The following SLC26A3 variants were observed in gnomAD, a reference collection of about 807,000 sequenced individuals.
The protein encoded by SLC26A3 is chloride anion exchanger.
Under a neutral mutation model 85.6 loss-of-function variants are expected in SLC26A3, and 64 were observed. The ratio of observed to expected loss-of-function variants is 0.75; its 90% CI spans 0.61 to 0.92. SLC26A3 has a LOEUF of 0.92. Among genes scored for constraint, SLC26A3 ranks in the 40% least tolerant of loss-of-function variants. SLC26A3 has a pLI of 0.00. For synonymous variants in SLC26A3, 349 were observed against 336.0 expected, an observed-to-expected ratio of 1.04 and a Z score of -0.42; for missense variants, 922 against 927.3, an observed-to-expected ratio of 0.99 and a Z score of 0.07.
chr7:107,765,635 C>A lies in SLC26A3; in HGVS notation c.*220G>T. ...TATGTATGAACAAAATAATTTTCAC[C>A]CTTTGATAAAGCTACAAGATATAAA... On this transcript the variant is annotated 3_prime_UTR_variant, in exon 21 of 21. Transcript: ENST00000340010. 4.1e-6 allele frequency: 2 copies of A among 492,344 alleles called. No homozygotes were observed. Among genetic ancestry groups the A allele is most frequent in the Non-Finnish European group, 7.2e-6 (2 of 277,078 alleles). 30.5% of individuals were successfully genotyped at this position (492,344 alleles called of 1,614,324 possible).
At chr7:107,770,042 CTTTCTTTCTCTTTTCTTTCT>C (rs1562874234) in intron 18 of SLC26A3, among the ~76,000 whole-genome samples, 1 of 105,436 alleles carries the variant, frequency 9.5e-6, no homozygotes, top group Non-Finnish European at 1.8e-5. Flanking sequence ...TTCTTTCTTT[CTTTCTTTCTCTTTTCTTTCT>C]TTTTCTTTCT....
Position 107,786,866 on chromosome 7 carries a change from T to C in SLC26A3, c.932A>G (p.Asn311Ser). 5 of 1,614,066 alleles carry C rather than the reference T, an allele frequency of 3.1e-6. No homozygotes were observed. Among genetic ancestry groups the C allele is most frequent in the Non-Finnish European group, 4.2e-6 (5 of 1,179,974 alleles). ...AGVSYGCDFK[N>S]RFKVAVVGDM... ...CCCAACCACAGCCACTTTAAACCTGTTTTTAAAGTCACAGCCGTAGGATAC... is the reference window on the plus strand; with the variant it reads ...CCCAACCACAGCCACTTTAAACCTGCTTTTAAAGTCACAGCCGTAGGATAC... The change falls in exon 8 of 21, where the codon AAC becomes AGC. Residue 311 changes from asparagine (N) to serine (S), a missense_variant. Coordinates refer to ENST00000340010, the MANE Select transcript of SLC26A3 (RefSeq NM_000111.3).
chr7:107,789,643 A>G lies in SLC26A3; in HGVS notation c.616T>C (p.Ser206Pro), dbSNP rs386833488. The G allele has an allele frequency of 6.2e-7, 1 of 1,614,130 alleles. No individual in the cohort carries two copies. The highest frequency in any genetic ancestry group is 8.5e-7 in the Non-Finnish European group (1 of 1,180,002). Residue 206 changes from serine to proline, a missense_variant, in exon 6 of 21, where the codon TCT (serine) becomes CCT (proline). Coordinates refer to ENST00000340010, the MANE Select transcript of SLC26A3 (RefSeq NM_000111.3). The part of the protein sequence containing the change: ...LRIGFVVIYL[S>P]ESLISGFTTA... Reference sequence around the variant, plus strand: ...GTGAAGCCACTGATGAGGGACTCAGACAGGTATATCACTACAAATCCAATC... The same window carrying G: ...GTGAAGCCACTGATGAGGGACTCAGGCAGGTATATCACTACAAATCCAATC...
At chr7:107,790,976 G>T (rs1794388251) in intron 5 of SLC26A3, 72 bp downstream of exon 5, 15 of 1,508,170 alleles carry the variant, frequency 9.9e-6, no homozygotes, top group Non-Finnish European at 1.1e-5. Flanking sequence ...CAGGGGGGAG[G>T]AAAAATAGAG....
intron 20 of SLC26A3, among the ~76,000 whole-genome samples, chr7:107,766,632 T>G (rs1793920033): frequency 6.6e-6 from 1 of 152,168 alleles, no homozygotes; most frequent in African/African-American, 2.4e-5. Flanking sequence ...TCTTTTTCAT[T>G]TTGACTAGAA....
chr7:107,770,482 G>A (rs41667), intron 18 of SLC26A3, among the ~76,000 whole-genome samples: 3 of 150,922 alleles, frequency 2.0e-5, no homozygotes, highest in African/African-American at 4.9e-5. Flanking sequence ...AGTCTCAAAC[G>A]CTGGGGCTTA....
chr7:107,776,764 C>CT, intron 13 of SLC26A3, 58 bp from the exon 14 acceptor site: 2 of 1,485,876 alleles, frequency 1.3e-6, no homozygotes, highest in Non-Finnish European at 1.9e-6. Flanking sequence ...GCCTATAAGG[C>CT]TAACACTGAC....
intron 18 of SLC26A3, among the ~76,000 whole-genome samples, chr7:107,771,569 G>A (rs73727206): frequency 0.044 from 6,708 of 152,146 alleles, 178 homozygotes; most frequent in South Asian, 0.076. Flanking sequence ...GGGAGGGAGA[G>A]AGTTTCAAAG....
chr7:107,771,945 C>G, intron 18 of SLC26A3, 109 bp downstream of exon 18: 1 of 787,902 alleles, frequency 1.3e-6, no homozygotes. Context: ...ATTAGATTTT[C>G]ATCATGATTA....
At chr7:107,787,533 AC>A in intron 6 of SLC26A3, 24 bp from the exon 7 acceptor site, 1 of 1,603,872 alleles carries the variant, frequency 6.2e-7, no homozygotes. Context: ...AACAAAAACC[AC>A]CAAAGCCCTA....
rs893273889 is a variant in SLC26A3, at chr7:107,791,926, G to C, written c.286C>G (p.Leu96Val). ...VAVLQGLAFA[L>V]LVDIPPVYGL... ...TAGACTGGGGGAATGTCGACCAGCA[G>C]AGCAAATGCTAAACCTGTAAACACA... The change falls in exon 4 of 21, where the codon CTG becomes GTG. Residue 96 changes from leucine (L) to valine (V), a missense_variant. Physicochemically the swap from Leu to Val is conservative, Grantham distance 32 (BLOSUM62 1). Transcript: ENST00000340010. The C allele has an allele frequency of 6.2e-7, 1 of 1,609,718 alleles. No individual in the cohort carries two copies. The highest frequency in any genetic ancestry group is 8.5e-7 in the Non-Finnish European group (1 of 1,176,062).
intron 1 of SLC26A3, among the ~76,000 whole-genome samples, chr7:107,797,355 G>A (rs1264165159): frequency 1.3e-5 from 2 of 152,158 alleles, no homozygotes; most frequent in South Asian, 2.1e-4. Flanking sequence ...TTAGCCAGGC[G>A]TGGTGGCGGG....
chr7:107,798,194 A>G lies in SLC26A3; in HGVS notation c.-88-3597T>C, dbSNP rs140739395. Among the ~76,000 whole-genome samples, 385 of 149,342 alleles carry G rather than the reference A, an allele frequency of 2.6e-3. 4 individuals are homozygous for G. The highest frequency in any genetic ancestry group is 8.8e-3 in the African/African-American group (360 of 40,708). Reference sequence around the variant, plus strand: ...CACATGAAGACATTCATATACCTACATATCTTGGTGCTGTGGCTTAGTCAT... The same window carrying G: ...CACATGAAGACATTCATATACCTACGTATCTTGGTGCTGTGGCTTAGTCAT... On this transcript the variant is annotated intron_variant, in intron 1 of 20. Transcript: ENST00000340010.
chr7:107,773,756 G>C (rs1470546766), intron 17 of SLC26A3, among the ~76,000 whole-genome samples, 164 bp downstream of exon 17: 23 of 152,184 alleles, frequency 1.5e-4, no homozygotes, highest in Admixed American at 1.5e-3. Flanking sequence ...TCGCCATGTT[G>C]GCCAGGCTGG....
At position 107,774,138 on chromosome 7, in the gene SLC26A3, T is replaced by G. The variant is rs1794071370; in HGVS notation, c.1789A>C (p.Thr597Pro). 2.5e-6 allele frequency: 4 copies of G among 1,613,202 alleles called. No homozygotes were observed. Among genetic ancestry groups the G allele is most frequent in the Middle Eastern group, 1.6e-4 (1 of 6,080 alleles). Residue 597 changes from threonine (T) to proline (P), a missense_variant, in exon 17 of 21, where the codon ACT becomes CCT. By Grantham distance (38) the Thr-to-Pro change is conservative. Transcript: ENST00000340010. ...TCAGAATCTTTTATGGTGTCAACAG[T>G]ACATATAAATCCTTTCTGCAGGAGA... ...LQVTPKGFIC[T>P]VDTIKDSDEE...
intron 17 of SLC26A3, among the ~76,000 whole-genome samples, chr7:107,772,699 G>A (rs181419959): frequency 3.4e-4 from 52 of 152,158 alleles, no homozygotes; most frequent in African/African-American, 1.2e-3. Flanking sequence ...CCTCTTCTAG[G>A]CACTTAACTA....
chr7:107,777,811 G>GT (rs1212253399), intron 13 of SLC26A3, among the ~76,000 whole-genome samples: 2 of 152,146 alleles, frequency 1.3e-5, no homozygotes, highest in Admixed American at 1.3e-4. Context: ...CACAATCTCA[G>GT]TAACACATTT....
chr7:107,786,773 A>G, intron 8 of SLC26A3, 54 bp downstream of exon 8: 3 of 1,421,522 alleles, frequency 2.1e-6, no homozygotes, highest in East Asian at 2.3e-5. Flanking sequence ...TCCTGTCACT[A>G]CTGCTAACTC....
intron 20 of SLC26A3, among the ~76,000 whole-genome samples, chr7:107,766,366 A>G (rs1446715146): frequency 1.3e-5 from 2 of 152,140 alleles, no homozygotes; most frequent in Non-Finnish European, 2.9e-5. Context: ...ATCCTCCAAT[A>G]CTTGGTGACA....
Sources: gnomAD v4.1 joint callset for allele counts (sites outside exome capture counted in the v4.1 genomes callset) on GRCh38, gnomAD v4.1.1 for gene constraint, MANE v1.5 for transcripts, NCBI Gene and HGNC (gene_info 2026-07-23, HGNC 2026-07-21) for gene names.